The following NEGR1 variants were observed in gnomAD, a reference collection of about 807,000 sequenced individuals.
NEGR1 encodes the protein neuronal growth regulator 1.
NEGR1 carries 10 observed loss-of-function variants against 40.9 expected under a neutral mutation model. That is an observed-to-expected ratio of 0.24 (90% CI 0.15 to 0.42). NEGR1 has a LOEUF of 0.42. Ranked by LOEUF, NEGR1 falls within the 10% of genes least tolerant of loss-of-function variation. The probability of loss-of-function intolerance (pLI) is 1.00; values close to 1 mark genes in which losing one functional copy is unlikely to be tolerated. For synonymous variants in NEGR1, 185 were observed against 166.8 expected (o/e 1.11, Z -0.84); for missense variants, 352 against 438.9 (o/e 0.80, Z 1.77).
intron 4 of NEGR1, among the ~76,000 whole-genome samples, chr1:71,695,607 A>C (rs2101626615): frequency 6.6e-6 from 1 of 151,892 alleles, no homozygotes; most frequent in Middle Eastern, 3.4e-3. Flanking sequence ...ACCCTGACAA[A>C]GCCACTAAAA....
At chr1:71,683,238 T>A (rs1652901303) in intron 4 of NEGR1, among the ~76,000 whole-genome samples, 1 of 152,038 alleles carries the variant, frequency 6.6e-6, no homozygotes, top group Non-Finnish European at 1.5e-5. Context: ...GGTATGGCCC[T>A]TCGTGGGGGT....
At chr1:72,085,369 G>A (rs1648172595) in intron 1 of NEGR1, among the ~76,000 whole-genome samples, 2 of 152,112 alleles carry the variant, frequency 1.3e-5, no homozygotes, top group Admixed American at 6.6e-5. Flanking sequence ...AGTTAATATT[G>A]TTGTCCCTGG....
At position 71,443,495 on chromosome 1, in the gene NEGR1, G is replaced by C. The variant is rs184766731; in HGVS notation, c.941-35925C>G. Among the ~76,000 whole-genome samples the C allele has an allele frequency of 7.2e-5, 11 of 152,290 alleles. No individual in the cohort carries two copies. The East Asian group carries it at 2.1e-3, about 29-fold the overall frequency. On this transcript the variant is annotated intron_variant, in intron 6 of 6. Transcript: ENST00000357731. ...AAAGGGTTGCTGAGGGGCAGAGACAGTTTCTTATATATCTTTGTGTTTTCA... is the reference window on the plus strand; with the variant it reads ...AAAGGGTTGCTGAGGGGCAGAGACACTTTCTTATATATCTTTGTGTTTTCA...
rs190980001 is a variant in NEGR1 at position 71,669,602 on chromosome 1, T to C, written c.667+28406A>G. Among the ~76,000 whole-genome samples the C allele has an allele frequency of 1.7e-4, 26 of 152,308 alleles. No individual in the cohort carries two copies. In the East Asian group the frequency reaches 3.7e-3, roughly 21 times the overall value. Reference sequence around the variant, plus strand: ...ACAATGCTAGGGCCTTAGGACACTTTAGTTTTATTATTCTTACTTTTATGT... The same window carrying C: ...ACAATGCTAGGGCCTTAGGACACTTCAGTTTTATTATTCTTACTTTTATGT... On this transcript the variant is annotated intron_variant, in intron 4 of 6. Transcript: ENST00000357731.
intron 2 of NEGR1, among the ~76,000 whole-genome samples, chr1:71,807,098 G>A (rs191290040): frequency 4.2e-4 from 63 of 151,734 alleles, no homozygotes; most frequent in African/African-American, 8.0e-4. Flanking sequence ...GGGTTTCACC[G>A]TGTTAGCCAG....
At chr1:71,988,028 C>T (rs1316438773) in intron 1 of NEGR1, among the ~76,000 whole-genome samples, 1 of 152,202 alleles carries the variant, frequency 6.6e-6, no homozygotes, top group Non-Finnish European at 1.5e-5. Context: ...CCTAAGACCC[C>T]TCACAGGCCA....
At chr1:71,995,294 C>T (rs894612716) in intron 1 of NEGR1, among the ~76,000 whole-genome samples, 2 of 152,146 alleles carry the variant, frequency 1.3e-5, no homozygotes, top group Admixed American at 6.6e-5. Context: ...GAATTGACAA[C>T]TTAAACCCCT....
chr1:72,088,882 C>A (rs1648342129), intron 1 of NEGR1, among the ~76,000 whole-genome samples: 1 of 143,304 alleles, frequency 7.0e-6, no homozygotes, highest in Non-Finnish European at 1.5e-5. Context: ...GCAATCTCAG[C>A]TCACTGCAAC....
intron 2 of NEGR1, among the ~76,000 whole-genome samples, chr1:71,813,389 T>G (rs1658076111): frequency 6.6e-6 from 1 of 152,130 alleles, no homozygotes; most frequent in Non-Finnish European, 1.5e-5. Flanking sequence ...TTTTTCTTTT[T>G]GTTTACGGTT....
intron 1 of NEGR1, among the ~76,000 whole-genome samples, chr1:71,988,509 G>T (rs1428184208): frequency 7.9e-6 from 1 of 126,926 alleles, no homozygotes; most frequent in Non-Finnish European, 1.6e-5. Context: ...ACTGCAGTCC[G>T]CAGTCCGTCC....
At chr1:71,912,485 A>T (rs1339759042) in intron 2 of NEGR1, among the ~76,000 whole-genome samples, 2 of 152,220 alleles carry the variant, frequency 1.3e-5, no homozygotes, top group Non-Finnish European at 2.9e-5. Context: ...AAAAGGTAGC[A>T]TATTCACAGG....
intron 6 of NEGR1, among the ~76,000 whole-genome samples, chr1:71,497,600 T>C (rs185367053): frequency 1.3e-5 from 2 of 152,232 alleles, no homozygotes; most frequent in East Asian, 3.9e-4. Context: ...GTTTAAGAAC[T>C]CATCTTGTTC....
intron 1 of NEGR1, among the ~76,000 whole-genome samples, chr1:72,211,269 C>T (rs893064765): frequency 6.6e-6 from 1 of 151,646 alleles, no homozygotes; most frequent in Non-Finnish European, 1.5e-5. Flanking sequence ...ACAAAAAAAT[C>T]TAGCACTCTG....
At chr1:71,959,919 G>A (rs1646150534) in intron 1 of NEGR1, among the ~76,000 whole-genome samples, 1 of 152,024 alleles carries the variant, frequency 6.6e-6, no homozygotes, top group African/African-American at 2.4e-5. Context: ...ATTATCAAGA[G>A]AGAAATATTC....
At chr1:71,725,447 C>T (rs1654640001) in intron 3 of NEGR1, among the ~76,000 whole-genome samples, 2 of 152,102 alleles carry the variant, frequency 1.3e-5, no homozygotes, top group Admixed American at 1.3e-4. Flanking sequence ...GTTAACTACA[C>T]CATCAGCATT....
At chr1:71,490,165 A>T (rs1557543903) in intron 6 of NEGR1, among the ~76,000 whole-genome samples, 8 of 152,000 alleles carry the variant, frequency 5.3e-5, no homozygotes, top group Admixed American at 3.3e-4. Flanking sequence ...TATTATTTTT[A>T]CATTCTTTTG....
At chr1:72,157,130 GT>G (rs1290853893) in intron 1 of NEGR1, among the ~76,000 whole-genome samples, 1 of 151,936 alleles carries the variant, frequency 6.6e-6, no homozygotes, top group Non-Finnish European at 1.5e-5. Context: ...GTCTGGCTAT[GT>G]TTTTGTTTCG....
intron 2 of NEGR1, among the ~76,000 whole-genome samples, chr1:71,842,478 G>A (rs1312069343): frequency 6.6e-6 from 1 of 152,028 alleles, no homozygotes; most frequent in East Asian, 1.9e-4. Flanking sequence ...ACGAAATAAG[G>A]AGCTATTAAG....
chr1:71,770,804 A>C (rs1656291117), intron 3 of NEGR1, among the ~76,000 whole-genome samples: 3 of 152,194 alleles, frequency 2.0e-5, no homozygotes, highest in African/African-American at 7.2e-5. Flanking sequence ...GAAACAACAA[A>C]TGCTGGAGAG....
Sources: gnomAD v4.1 joint callset for allele counts (sites outside exome capture counted in the v4.1 genomes callset) on GRCh38, gnomAD v4.1.1 for gene constraint, MANE v1.5 for transcripts, NCBI Gene and HGNC (gene_info 2026-07-23, HGNC 2026-07-21) for gene names.